PRKDC: variants seen among roughly 807,000 people sequenced by gnomAD.
The protein encoded by PRKDC is protein kinase, DNA-activated, catalytic subunit, also known as DNA-dependent protein kinase catalytic subunit.
A neutral mutation model predicts 486.9 loss-of-function variants in PRKDC; 82 were observed. The ratio of observed to expected loss-of-function variants is 0.17; its 90% confidence interval spans 0.14 to 0.20. PRKDC has a LOEUF of 0.20. PRKDC is among the 10% of genes least tolerant of loss of function. PRKDC has a pLI of 1.00. For synonymous variants in PRKDC, 1,895 were observed against 1,837.0 expected (o/e 1.03, Z -0.81); for missense variants, 4,504 against 5,038.2 (o/e 0.89, Z 3.21).
intron 54 of PRKDC, 64 bp downstream of exon 54, chr8:47,849,090 C>T (rs926015704): frequency 2.2e-5 from 35 of 1,560,816 alleles, no homozygotes; most frequent in African/African-American, 2.7e-5. Flanking sequence ...GAGTTGGAGA[C>T]GTCTTAATAA....
chr8:47,811,536 GA>G (rs1338486587), intron 68 of PRKDC, among the ~76,000 whole-genome samples: 2 of 152,198 alleles, frequency 1.3e-5, no homozygotes, highest in African/African-American at 4.8e-5. Flanking sequence ...AATATGTGAG[GA>G]AAACCACATA....
At chr8:47,806,961 G>GTTGAGATT (rs2087225380) in intron 69 of PRKDC, among the ~76,000 whole-genome samples, 176 bp downstream of exon 69, 1 of 152,096 alleles carries the variant, frequency 6.6e-6, no homozygotes, top group African/African-American at 2.4e-5. Context: ...CTCTCAAAAT[G>GTTGAGATT]CTGAGATTAC....
At chr8:47,956,947 C>A in intron 3 of PRKDC, among the ~76,000 whole-genome samples, 1 of 53,300 alleles carries the variant, frequency 1.9e-5, no homozygotes. Flanking sequence ...ATCTAAATAA[C>A]TAATGGGCAA....
At chr8:47,925,918 A>C (rs2090149987) in intron 21 of PRKDC, among the ~76,000 whole-genome samples, 1 of 152,206 alleles carries the variant, frequency 6.6e-6, no homozygotes. Context: ...AAAGTTATTA[A>C]AACACTAACT....
At chr8:47,933,445 A>G (rs529247608) in intron 15 of PRKDC, among the ~76,000 whole-genome samples, 32 of 152,336 alleles carry the variant, frequency 2.1e-4, no homozygotes, top group Admixed American at 1.0e-3. Context: ...ATTTAGGCCA[A>G]TCCTTGTCAA....
chr8:47,912,606 G>A, intron 24 of PRKDC, 44 bp from the exon 25 acceptor site: 1 of 1,495,268 alleles, frequency 6.7e-7, no homozygotes, highest in South Asian at 1.4e-5. Context: ...TTATCACGTT[G>A]ATGACAAGAG....
At chr8:47,882,983 GCTGGTGCTGGAC>G (rs1489274301) in intron 36 of PRKDC, among the ~76,000 whole-genome samples, 1 of 152,200 alleles carries the variant, frequency 6.6e-6, no homozygotes, top group South Asian at 2.1e-4. Flanking sequence ...GATCTGCAAT[GCTGGTGCTGGAC>G]CTGGTGCTGG....
chr8:47,841,842 G>A (rs1321267313), intron 54 of PRKDC, among the ~76,000 whole-genome samples: 1 of 152,190 alleles, frequency 6.6e-6, no homozygotes, highest in Non-Finnish European at 1.5e-5. Flanking sequence ...AAAACTGGCT[G>A]GTCAGGCTAG....
At chr8:47,917,704 G>T (rs919133078) in intron 22 of PRKDC, among the ~76,000 whole-genome samples, 2 of 151,890 alleles carry the variant, frequency 1.3e-5, no homozygotes, top group African/African-American at 4.8e-5. Context: ...CATATCCCTG[G>T]TATCAGTATT....
intron 80 of PRKDC, among the ~76,000 whole-genome samples, chr8:47,780,704 C>A (rs562065240): frequency 6.6e-6 from 1 of 152,282 alleles, no homozygotes; most frequent in South Asian, 2.1e-4. Flanking sequence ...CTTTAGGAGG[C>A]CAATGGGGGC....
Position 47,886,050 on chromosome 8 carries a change from T to TC in PRKDC, c.4669dup (p.Glu1557GlyfsTer5). 1 of 1,613,760 alleles carries TC rather than the reference T, an allele frequency of 6.2e-7. No homozygotes were observed. Among genetic ancestry groups the TC allele is most frequent in the Non-Finnish European group, 8.5e-7 (1 of 1,179,884 alleles). On this transcript the variant is annotated frameshift_variant, in exon 36 of 86. Transcript: ENST00000314191. LOFTEE classifies it high-confidence loss of function. The stretch of plus-strand genomic sequence containing the variant: ...TTCTGAGAACAAGCTATAGAAATAC[T>TC]CCCCATGGGAGAAGTGGATGACGCT...
At position 47,839,185 on chromosome 8, in the gene PRKDC, G is replaced by T. The variant is rs1345794700; in HGVS notation, c.7516C>A (p.Leu2506Met). 6 of 1,613,804 alleles carry T rather than the reference G, an allele frequency of 3.7e-6. No individual in the cohort carries two copies. The East Asian group carries it at 1.3e-4, about 36-fold the overall frequency. Reference sequence around the variant, plus strand: ...TTCTCATCGATCAATCCTTGAATCAGCACATCTTTTGCCAACTTAAATATT... The same window carrying T: ...TTCTCATCGATCAATCCTTGAATCATCACATCTTTTGCCAACTTAAATATT... ...QEIFKLAKDV[L>M]IQGLIDENPG... is the part of the protein sequence containing the mutation. The change falls in exon 56 of 86, where the codon CTG (leucine) becomes ATG (methionine). Residue 2506 changes from leucine (L) to methionine (M), a missense_variant. Around this residue, in one of 6 missense-constraint regions of PRKDC, gnomAD observed 1,592 missense variants for 1,724.6 expected, o/e 0.92. Transcript: ENST00000314191.
At chr8:47,777,619 A>C in intron 84 of PRKDC, 67 bp downstream of exon 84, 2 of 1,433,972 alleles carry the variant, frequency 1.4e-6, no homozygotes, top group Non-Finnish European at 1.9e-6. Flanking sequence ...ATCATACACG[A>C]GAGATACCAG....
intron 51 of PRKDC, among the ~76,000 whole-genome samples, chr8:47,853,388 C>A (rs1563767644): frequency 6.6e-6 from 1 of 152,186 alleles, no homozygotes. Context: ...GCTGGGGGGC[C>A]AACACGGAGG....
chr8:47,799,422 A>G, intron 71 of PRKDC, 32 bp from the exon 72 acceptor site: 1 of 1,449,482 alleles, frequency 6.9e-7, no homozygotes, highest in Non-Finnish European at 9.1e-7. Flanking sequence ...ACCCATGAGC[A>G]TGACTGAAGC....
In PRKDC at chr8:47,800,158, C is replaced by T. The variant is rs8178221; in HGVS notation, c.10116+635G>A. On this transcript the variant is annotated intron_variant, in intron 71 of 85. Coordinates refer to ENST00000314191, the MANE Select transcript of PRKDC (RefSeq NM_006904.7). The stretch of plus-strand genomic sequence containing the variant: ...ATGCTGCTATAAAGACACATGCACA[C>T]GTATGTTTATTGCGGCACTATTCAC... Among the ~76,000 whole-genome samples, 128 of 152,064 alleles carry T rather than the reference C, an allele frequency of 8.4e-4. 3 individuals are homozygous for T. In the East Asian group the frequency reaches 0.019, roughly 22 times the overall value.
intron 14 of PRKDC, among the ~76,000 whole-genome samples, chr8:47,934,683 C>T (rs1336967461): frequency 1.3e-5 from 2 of 152,208 alleles, no homozygotes; most frequent in Non-Finnish European, 2.9e-5. Flanking sequence ...TTCAATCTTT[C>T]ATCTCATCAT....
intron 39 of PRKDC, 39 bp downstream of exon 39, chr8:47,879,452 A>C (rs191603564): frequency 5.4e-6 from 8 of 1,483,452 alleles, no homozygotes; most frequent in Admixed American, 2.5e-5. Flanking sequence ...GAAAAAAAAA[A>C]CAGTGTTTTA....
intron 52 of PRKDC, among the ~76,000 whole-genome samples, chr8:47,850,665 A>G (rs544093439): frequency 8.5e-5 from 13 of 152,348 alleles, no homozygotes; most frequent in African/African-American, 2.6e-4. Context: ...ATTTAATACG[A>G]CAACACAATG....
Sources: gnomAD v4.1 joint callset for allele counts (sites outside exome capture counted in the v4.1 genomes callset) on GRCh38, gnomAD v4.1.1 for gene constraint, gnomAD v4.1.1 regional missense constraint, MANE v1.5 for transcripts, NCBI Gene and HGNC (gene_info 2026-07-23, HGNC 2026-07-21) for gene names.